The following TANGO6 variants were observed in gnomAD, a reference collection of about 807,000 sequenced individuals.
TANGO6 encodes transport and Golgi organization protein 6 homolog.
In TANGO6, 90 loss-of-function variants were observed where a neutral mutation model predicts 114.2. That is an observed-to-expected ratio of 0.79 (90% CI 0.66 to 0.94). The LOEUF (loss-of-function observed/expected upper bound fraction) is 0.94. TANGO6 is among the 40% of genes least tolerant of loss of function. TANGO6 has a pLI of 0.00. For synonymous variants in TANGO6, 477 were observed against 509.8 expected, an observed-to-expected ratio of 0.94 and a Z score of 0.87; for missense variants, 1,274 against 1,315.3, an observed-to-expected ratio of 0.97 and a Z score of 0.49.
intron 14 of TANGO6, among the ~76,000 whole-genome samples, chr16:68,941,120 T>C (rs1339377153): frequency 1.3e-5 from 2 of 152,208 alleles, no homozygotes; most frequent in African/African-American, 4.8e-5. Flanking sequence ...TTTTATTGGG[T>C]TTATGTAAAT....
intron 14 of TANGO6, among the ~76,000 whole-genome samples, chr16:68,949,188 A>AAAAGAAAG (rs543117670): frequency 1.3e-5 from 2 of 151,948 alleles, no homozygotes; most frequent in South Asian, 4.1e-4. Context: ...CTCCGTCTCA[A>AAAAGAAAG]AAAGAAAGAA....
At chr16:69,074,127 G>A (rs1185509030) in intron 17 of TANGO6, among the ~76,000 whole-genome samples, 3 of 152,114 alleles carry the variant, frequency 2.0e-5, no homozygotes, top group Non-Finnish European at 2.9e-5. Context: ...GGTGCTTCAC[G>A]TGGTGACACT....
At chr16:69,053,860 TC>T (rs1959991810) in intron 17 of TANGO6, among the ~76,000 whole-genome samples, 1 of 152,098 alleles carries the variant, frequency 6.6e-6, no homozygotes, top group African/African-American at 2.4e-5. Context: ...GATCAGGAGT[TC>T]CAGACCAGCC....
chr16:68,945,665 G>A (rs1283213425), intron 14 of TANGO6, among the ~76,000 whole-genome samples: 1 of 151,898 alleles, frequency 6.6e-6, no homozygotes, highest in Non-Finnish European at 1.5e-5. Context: ...ATCTTCATTA[G>A]AGAAGTGTCT....
intron 17 of TANGO6, among the ~76,000 whole-genome samples, chr16:69,074,798 CTGTGTGTGTGTGTGTGTGTGTG>C (rs60702668): frequency 1.8e-4 from 24 of 135,250 alleles, no homozygotes; most frequent in East Asian, 1.3e-3. Context: ...GTTCGAATGC[CTGTGTGTGTGTGTGTGTGTGTG>C]TGTGTGTGTG....
chr16:68,880,700 T>A, intron 7 of TANGO6, 70 bp downstream of exon 7: 1 of 1,158,988 alleles, frequency 8.6e-7, no homozygotes, highest in Non-Finnish European at 1.2e-6. Context: ...TTTTTCTTTT[T>A]TTGTAGAGAT....
At chr16:68,936,372 T>C in intron 14 of TANGO6, among the ~76,000 whole-genome samples, 1 of 152,152 alleles carries the variant, frequency 6.6e-6, no homozygotes, top group East Asian at 1.9e-4. Flanking sequence ...AGTTTCTTTC[T>C]TGTTACCCAG....
chr16:69,001,473 A>G (rs1304471050), intron 15 of TANGO6, among the ~76,000 whole-genome samples: 1 of 152,076 alleles, frequency 6.6e-6, no homozygotes, highest in Non-Finnish European at 1.5e-5. Context: ...CTTTGTGCCT[A>G]TTATTTACAG....
At chr16:69,063,799 CTTCTTCTTCTTA>C (rs1387587344) in intron 17 of TANGO6, among the ~76,000 whole-genome samples, 86 of 123,260 alleles carry the variant, frequency 7.0e-4, no homozygotes, top group African/African-American at 2.7e-3. Context: ...TCTTCTTCTT[CTTCTTCTTCTTA>C]TTATTATTAT....
chr16:68,955,360 T>G (rs1963519059), intron 14 of TANGO6, among the ~76,000 whole-genome samples: 1 of 152,206 alleles, frequency 6.6e-6, no homozygotes, highest in Non-Finnish European at 1.5e-5. Flanking sequence ...ATGGTTAAGC[T>G]AGGAGCAGAA....
chr16:68,895,529 G>A (rs1039822883), intron 7 of TANGO6, among the ~76,000 whole-genome samples: 3 of 152,158 alleles, frequency 2.0e-5, no homozygotes, highest in Non-Finnish European at 2.9e-5. Flanking sequence ...TCAGGGGTTG[G>A]GAGATAACTA....
chr16:68,890,978 T>G (rs1962605256), intron 7 of TANGO6, among the ~76,000 whole-genome samples: 1 of 149,574 alleles, frequency 6.7e-6, no homozygotes, highest in African/African-American at 2.5e-5. Context: ...GGAGCCGAGA[T>G]TGCACCAGTG....
At chr16:68,877,187 G>A (rs1962376962) in intron 5 of TANGO6, among the ~76,000 whole-genome samples, 1 of 151,926 alleles carries the variant, frequency 6.6e-6, no homozygotes, top group South Asian at 2.1e-4. Context: ...GAAAAATGTG[G>A]GGCTGGGCAC....
At chr16:69,014,084 C>G (rs1959240217) in intron 15 of TANGO6, among the ~76,000 whole-genome samples, 1 of 152,164 alleles carries the variant, frequency 6.6e-6, no homozygotes, top group Non-Finnish European at 1.5e-5. Flanking sequence ...TATCAGGATG[C>G]TTTTGGCTGC....
chr16:68,958,539 G>C (rs1280903586), intron 14 of TANGO6, among the ~76,000 whole-genome samples: 1 of 149,846 alleles, frequency 6.7e-6, no homozygotes, highest in Non-Finnish European at 1.5e-5. Context: ...GGGAGGGAGA[G>C]AGAGAGGGAG....
chr16:69,031,246 A>T (rs976040148), intron 16 of TANGO6, among the ~76,000 whole-genome samples: 1 of 152,030 alleles, frequency 6.6e-6, no homozygotes, highest in African/African-American at 2.4e-5. Context: ...AATTGTGAGC[A>T]CAACAAGGGC....
chr16:69,072,938 T>C (rs1212229923), intron 17 of TANGO6, among the ~76,000 whole-genome samples: 2 of 151,232 alleles, frequency 1.3e-5, no homozygotes, highest in South Asian at 2.1e-4. Flanking sequence ...CTCAAAGATA[T>C]TTCTAAGTGA....
At chr16:69,005,091 G>T (rs1964080496) in intron 15 of TANGO6, among the ~76,000 whole-genome samples, 1 of 152,104 alleles carries the variant, frequency 6.6e-6, no homozygotes. Flanking sequence ...GTCCAACAGT[G>T]AACCCCAAAG....
At chr16:69,060,897 C>T (rs1448382793) in intron 17 of TANGO6, among the ~76,000 whole-genome samples, 1 of 151,768 alleles carries the variant, frequency 6.6e-6, no homozygotes, top group Non-Finnish European at 1.5e-5. Flanking sequence ...GAGGCTGAGG[C>T]AGGTGAATCA....
Sources: allele counts gnomAD v4.1 joint callset (sites outside exome capture counted in the v4.1 genomes callset), GRCh38; gene constraint gnomAD v4.1.1; transcripts MANE v1.5; gene names NCBI Gene and HGNC (gene_info 2026-07-23, HGNC 2026-07-21).